TNRC18: variants seen among roughly 807,000 people sequenced by gnomAD.
The protein encoded by TNRC18 is trinucleotide repeat containing 18.
TNRC18 carries 69 observed loss-of-function variants against 226.7 expected under a neutral mutation model. That is an observed-to-expected ratio of 0.30 (90% CI 0.25 to 0.37). TNRC18 has a LOEUF of 0.37. Ranked by LOEUF, TNRC18 falls within the 10% of genes least tolerant of loss-of-function variation. TNRC18 has a pLI of 1.00. For synonymous variants in TNRC18, 2,449 were observed against 1,927.6 expected (o/e 1.27, Z -7.09); for missense variants, 4,754 against 4,256.6 (o/e 1.12, Z -3.25).
At chr7:5,311,042 A>G (rs1186268734) in intron 27 of TNRC18, among the ~76,000 whole-genome samples, 2 of 152,144 alleles carry the variant, frequency 1.3e-5, no homozygotes, top group African/African-American at 4.8e-5. Context: ...GCAAGTGTGC[A>G]TTTGTGTGGG....
chr7:5,376,004 G>A lies in TNRC18; in HGVS notation c.2799+30C>T, dbSNP rs1298103637. On this transcript the variant is annotated intron_variant, in intron 9 of 29. Coordinates refer to ENST00000430969, the MANE Select transcript of TNRC18 (RefSeq NM_001080495.3). ...CTCGTCACCCATGGGGGCCCCCAGAGGGAGCTGCGCCTCATCCTCCCCGAC... is the reference window on the plus strand; with the variant it reads ...CTCGTCACCCATGGGGGCCCCCAGAAGGAGCTGCGCCTCATCCTCCCCGAC... The A allele has an allele frequency of 3.8e-6, 6 of 1,561,918 alleles. No individual in the cohort carries two copies. The East Asian group carries it at 1.4e-4, about 37-fold the overall frequency.
intron 15 of TNRC18, among the ~76,000 whole-genome samples, chr7:5,358,254 T>C (rs1022384069): frequency 3.9e-5 from 6 of 152,218 alleles, no homozygotes; most frequent in Non-Finnish European, 7.3e-5. Flanking sequence ...CCTGCCTGCA[T>C]GTCTATCGTC....
intron 27 of TNRC18, among the ~76,000 whole-genome samples, chr7:5,310,902 TTGTGCACGTGTTCATGTG>T (rs1477185250): frequency 6.6e-6 from 1 of 152,164 alleles, no homozygotes; most frequent in Non-Finnish European, 1.5e-5. Context: ...ATCTGTGCAT[TTGTGCACGTGTTCATGTG>T]TGTGCACGTG....
At chr7:5,341,085 A>G (rs1790636179) in intron 18 of TNRC18, among the ~76,000 whole-genome samples, 1 of 152,028 alleles carries the variant, frequency 6.6e-6, no homozygotes, top group Non-Finnish European at 1.5e-5. Flanking sequence ...GTCCTTAAGA[A>G]TGATGCTAAA....
Position 5,332,863 on chromosome 7 carries a change from C to G in TNRC18, c.5906G>C (p.Arg1969Pro). The G allele has an allele frequency of 6.6e-7, 1 of 1,511,622 alleles. No homozygotes were observed. The highest frequency in any genetic ancestry group is 8.8e-7 in the Non-Finnish European group (1 of 1,139,128). 93.6% of individuals were successfully genotyped at this position (1,511,622 alleles called of 1,614,324 possible). ...GGGGCCCCGCAGCTTCCGGGCCTTG[C>G]GCCCCTTCTCCACCGCCAGCTTGGC... is the stretch of plus-strand genomic sequence containing the variant. Reference protein sequence around the residue: ...DKAKLAVEKGRKARKLRGPKE... With the variant: ...DKAKLAVEKGPKARKLRGPKE... Residue 1969 changes from arginine to proline, a missense_variant, in exon 19 of 30, where the codon CGC becomes CCC. Transcript: ENST00000430969.
intron 19 of TNRC18, among the ~76,000 whole-genome samples, chr7:5,331,462 A>T (rs1789510217): frequency 6.7e-6 from 1 of 149,600 alleles, no homozygotes; most frequent in Admixed American, 6.7e-5. Flanking sequence ...TTTAACCTCT[A>T]AAAAAAAAAT....
chr7:5,314,559 TCTTC>T (rs1360362891), intron 26 of TNRC18, among the ~76,000 whole-genome samples: 1 of 129,610 alleles, frequency 7.7e-6, no homozygotes, highest in Non-Finnish European at 1.6e-5. Flanking sequence ...TGCAGAGTTC[TCTTC>T]TTTTTTTTTT....
At chr7:5,405,546 G>A (rs1341127477) in intron 2 of TNRC18, among the ~76,000 whole-genome samples, 1 of 152,138 alleles carries the variant, frequency 6.6e-6, no homozygotes, top group Non-Finnish European at 1.5e-5. Flanking sequence ...TCCAGCCTGG[G>A]TGACAGAGCA....
Position 5,312,808 on chromosome 7 carries a change from C to T in TNRC18, c.8083G>A (p.Ala2695Thr), listed in dbSNP as rs577991475. 4.7e-4 allele frequency: 728 copies of T among 1,534,338 alleles called. 9 individuals are homozygous for T. In the South Asian group the frequency reaches 7.0e-3, roughly 15 times the overall value. Residue 2695 changes from alanine (A) to threonine (T), a missense_variant, in exon 27 of 30, where the codon GCG (alanine) becomes ACG (threonine). By Grantham distance (58) the Ala-to-Thr change is moderately conservative. Coordinates refer to ENST00000430969, the MANE Select transcript of TNRC18 (RefSeq NM_001080495.3). The surrounding 1 kb of genome is among the most constrained non-coding windows in gnomAD (Gnocchi z 6.3). ...GCCTTGGTGGGGAGCGCCGCCTGCG[C>T]GGAAGGGCCAGCCGTGGGGGCGGGG... ...AAPAPTAGPS[A>T]QAALPTKATK...
At chr7:5,376,375 G>C (rs533064379) in intron 8 of TNRC18, among the ~76,000 whole-genome samples, 151 bp from the exon 9 acceptor site, 1 of 152,316 alleles carries the variant, frequency 6.6e-6, no homozygotes, top group Admixed American at 6.5e-5. Context: ...CAGGGGCCAG[G>C]AAGTTTGTCC....
chr7:5,361,963 T>C lies in TNRC18; in HGVS notation c.4466A>G (p.Glu1489Gly). Residue 1489 changes from glutamate (E) to glycine (G), a missense_variant, in exon 13 of 30, where the codon GAG becomes GGG. Glu to Gly is a moderately conservative substitution (Grantham distance 98). Coordinates refer to ENST00000430969, the MANE Select transcript of TNRC18 (RefSeq NM_001080495.3). ...LELDFRMRLA[E>G]VQRQYKEKQR... ...CTTCTCCTTGTACTGGCGCTGCACCTCGGCCAGCCGCATCCGGAAGTCCAG... is the reference window on the plus strand; with the variant it reads ...CTTCTCCTTGTACTGGCGCTGCACCCCGGCCAGCCGCATCCGGAAGTCCAG... 1 of 1,612,684 alleles carries C rather than the reference T, an allele frequency of 6.2e-7. No individual in the cohort carries two copies. The highest frequency in any genetic ancestry group is 8.5e-7 in the Non-Finnish European group (1 of 1,179,578).
At chr7:5,340,325 C>T (rs189390135) in intron 18 of TNRC18, among the ~76,000 whole-genome samples, 8 of 152,302 alleles carry the variant, frequency 5.3e-5, no homozygotes, top group African/African-American at 1.7e-4. Context: ...GAAGCCAAGC[C>T]AAATCCTCAT....
chr7:5,366,661 G>A lies in TNRC18; in HGVS notation c.4219+3714C>T, dbSNP rs1432833796. 7.2e-5 allele frequency among the ~76,000 whole-genome samples: 11 copies of A among 152,208 alleles called. No homozygotes were observed. The South Asian group carries it at 2.1e-3, about 29-fold the overall frequency. On this transcript the variant is annotated intron_variant, in intron 11 of 29. Transcript: ENST00000430969. ...TCTTTAGGGAAACTGAGGCCACAAAGCCGCAAACCTGATCAGCTCCCAAAG... is the reference window on the plus strand; with the variant it reads ...TCTTTAGGGAAACTGAGGCCACAAAACCGCAAACCTGATCAGCTCCCAAAG...
Position 5,313,394 on chromosome 7 carries a change from C to T in TNRC18, c.7497G>A (p.Leu2499=), listed in dbSNP as rs775205887. ...CCGCGGGGGGATAGCTGCCCAGGCT[C>T]AGGAGGCTCTTGGGCTCCTGCCAGC... ...AGGWQEPKSL[L]SLGSYPPAAG... The change falls in exon 27 of 30, where the codon CTG becomes CTA. Residue 2499 remains leucine, a synonymous_variant. Transcript: ENST00000430969. 88 of 1,593,210 alleles carry T rather than the reference C, an allele frequency of 5.5e-5. No homozygotes were observed. In the African/African-American group the frequency reaches 1.1e-3, roughly 19 times the overall value.
Position 5,371,246 on chromosome 7 carries a change from G to A in TNRC18, c.3348C>T (p.Leu1116=). 1.2e-6 allele frequency: 2 copies of A among 1,603,872 alleles called. No individual in the cohort carries two copies. The highest frequency in any genetic ancestry group is 1.7e-6 in the Non-Finnish European group (2 of 1,174,490). The part of the protein sequence containing the change: ...DADGLAPDVP[L]PADGPERLAL... ...CCAGGCGCTCGGGCCCATCAGCCGG[G>A]AGCGGCACATCAGGGGCCAAGCCGT... The change falls in exon 11 of 30, where the codon CTC becomes CTT. Residue 1116 remains leucine, a synonymous_variant. Coordinates refer to ENST00000430969, the MANE Select transcript of TNRC18 (RefSeq NM_001080495.3).
At chr7:5,374,810 AGAT>A (rs903985123) in intron 9 of TNRC18, among the ~76,000 whole-genome samples, 26 of 152,354 alleles carry the variant, frequency 1.7e-4, no homozygotes, top group Admixed American at 1.7e-3. Flanking sequence ...AAGGGGGGCC[AGAT>A]GGGGGGCACA....
At chr7:5,364,804 G>GAAA (rs778909525) in intron 11 of TNRC18, among the ~76,000 whole-genome samples, 7 of 88,200 alleles carry the variant, frequency 7.9e-5, no homozygotes, top group African/African-American at 9.1e-5. Flanking sequence ...GCTGTCTCAG[G>GAAA]AAAAAAAAAA....
intron 18 of TNRC18, among the ~76,000 whole-genome samples, chr7:5,342,078 G>T (rs888869407): frequency 6.6e-6 from 1 of 152,180 alleles, no homozygotes; most frequent in African/African-American, 2.4e-5. Flanking sequence ...AGCTGCCACG[G>T]ATGATGATTC....
intron 16 of TNRC18, among the ~76,000 whole-genome samples, chr7:5,355,484 G>C (rs760343327): frequency 6.6e-6 from 1 of 152,204 alleles, no homozygotes; most frequent in Admixed American, 6.5e-5. Flanking sequence ...AATAGTAGTA[G>C]TGTGCGCCTA....
Sources: allele counts gnomAD v4.1 joint callset (sites outside exome capture counted in the v4.1 genomes callset), GRCh38; gene constraint gnomAD v4.1.1; non-coding constraint Gnocchi (gnomAD v3.1); transcripts MANE v1.5; gene names NCBI Gene and HGNC (gene_info 2026-07-23, HGNC 2026-07-21).